Variants in SLC24A3 observed in about 807,000 individuals in gnomAD.
SLC24A3 encodes the protein solute carrier family 24 member 3.
In SLC24A3, 28 loss-of-function variants were observed where a neutral mutation model predicts 75.8. The observed-to-expected ratio is 0.37, with a 90% confidence interval of 0.27 to 0.51. The LOEUF (loss-of-function observed/expected upper bound fraction) is 0.51. Among genes scored for constraint, SLC24A3 ranks in the 20% least tolerant of loss-of-function variants. SLC24A3 has a pLI of 0.94. For missense variants in SLC24A3, 663 were observed against 847.8 expected, an observed-to-expected ratio of 0.78 and a Z score of 2.71; for synonymous variants, 372 against 334.1, an observed-to-expected ratio of 1.11 and a Z score of -1.24.
At chr20:19,510,479 C>G (rs1196822588) in intron 2 of SLC24A3, among the ~76,000 whole-genome samples, 1 of 152,194 alleles carries the variant, frequency 6.6e-6, no homozygotes, top group African/African-American at 2.4e-5. Flanking sequence ...AGTTCTTATG[C>G]AAAGGAGGCT....
At chr20:19,719,267 G>A (rs185371638) in intron 16 of SLC24A3, among the ~76,000 whole-genome samples, 2 of 152,264 alleles carry the variant, frequency 1.3e-5, no homozygotes, top group East Asian at 1.9e-4. Context: ...ACTCTTTCAT[G>A]TTATCTGACT....
At chr20:19,357,620 G>A (rs960536396) in intron 2 of SLC24A3, among the ~76,000 whole-genome samples, 4 of 152,162 alleles carry the variant, frequency 2.6e-5, no homozygotes, top group Non-Finnish European at 5.9e-5. Flanking sequence ...TGTAGTCAGT[G>A]TGCCATTTCT....
At chr20:19,254,140 C>T (rs2122184189) in intron 1 of SLC24A3, among the ~76,000 whole-genome samples, 1 of 152,308 alleles carries the variant, frequency 6.6e-6, no homozygotes, top group East Asian at 1.9e-4. Flanking sequence ...CACGCCTGTG[C>T]CCATATTCAT....
intron 3 of SLC24A3, among the ~76,000 whole-genome samples, chr20:19,523,899 T>C (rs2030149017): frequency 6.6e-6 from 1 of 152,146 alleles, no homozygotes; most frequent in African/African-American, 2.4e-5. Flanking sequence ...TTCCAGCCCC[T>C]GCAACTCTGG....
At chr20:19,501,136 A>G (rs2122542449) in intron 2 of SLC24A3, among the ~76,000 whole-genome samples, 2 of 152,326 alleles carry the variant, frequency 1.3e-5, no homozygotes, top group Non-Finnish European at 2.9e-5. Flanking sequence ...AGGAGGAGCA[A>G]GAAGTAATTG....
chr20:19,647,709 C>T (rs1038764082), intron 6 of SLC24A3, among the ~76,000 whole-genome samples: 1 of 152,208 alleles, frequency 6.6e-6, no homozygotes, highest in African/African-American at 2.4e-5. Flanking sequence ...ATTGAGAAGG[C>T]ATGTCTGAGT....
intron 2 of SLC24A3, among the ~76,000 whole-genome samples, chr20:19,317,311 T>C (rs986454808): frequency 2.0e-5 from 3 of 152,188 alleles, no homozygotes; most frequent in African/African-American, 7.2e-5. Context: ...AAAGCAAAAA[T>C]TGAGTCTCCT....
At chr20:19,312,364 A>G (rs560118307) in intron 2 of SLC24A3, among the ~76,000 whole-genome samples, 1 of 152,358 alleles carries the variant, frequency 6.6e-6, no homozygotes, top group African/African-American at 2.4e-5. Flanking sequence ...CAGTATAGGT[A>G]TATATAGCTT....
chr20:19,325,777 CATATAT>C (rs1164485509), intron 2 of SLC24A3, among the ~76,000 whole-genome samples: 1 of 58,408 alleles, frequency 1.7e-5, no homozygotes, highest in Non-Finnish European at 3.1e-5. Flanking sequence ...TATATATATA[CATATAT>C]ATATATATAT....
At chr20:19,215,577 C>T (rs913910593) in intron 1 of SLC24A3, among the ~76,000 whole-genome samples, 1 of 152,124 alleles carries the variant, frequency 6.6e-6, no homozygotes, top group Admixed American at 6.5e-5. Context: ...TCCCTCCCTC[C>T]TTCCTTCTGT....
chr20:19,331,452 TGATA>T (rs1281733926), intron 2 of SLC24A3, among the ~76,000 whole-genome samples: 3 of 150,826 alleles, frequency 2.0e-5, no homozygotes, highest in African/African-American at 7.3e-5. Context: ...CATAGATAGA[TGATA>T]GAGAGAGATA....
chr20:19,508,156 C>G (rs1322552796), intron 2 of SLC24A3, among the ~76,000 whole-genome samples: 5 of 152,038 alleles, frequency 3.3e-5, no homozygotes, highest in African/African-American at 1.2e-4. Flanking sequence ...TTACAGTGCC[C>G]CAGGAAAAGT....
intron 2 of SLC24A3, among the ~76,000 whole-genome samples, chr20:19,443,438 T>G (rs1295961602): frequency 6.6e-6 from 1 of 152,220 alleles, no homozygotes; most frequent in Non-Finnish European, 1.5e-5. Context: ...GGTGCTAATA[T>G]AAATGGTATT....
chr20:19,272,903 G>A (rs1257392462), intron 1 of SLC24A3, among the ~76,000 whole-genome samples: 1 of 152,178 alleles, frequency 6.6e-6, no homozygotes, highest in African/African-American at 2.4e-5. Context: ...AGGGACGGGT[G>A]ATGGAGTAAA....
intron 1 of SLC24A3, among the ~76,000 whole-genome samples, chr20:19,250,497 A>C (rs1320174932): frequency 2.0e-5 from 3 of 152,312 alleles, no homozygotes; most frequent in South Asian, 4.1e-4. Context: ...TTCTTTCTTC[A>C]GTGTTTTTAA....
intron 14 of SLC24A3, among the ~76,000 whole-genome samples, chr20:19,697,228 G>A (rs2032820175): frequency 6.6e-6 from 1 of 152,120 alleles, no homozygotes; most frequent in Non-Finnish European, 1.5e-5. Flanking sequence ...CTACCCTTGA[G>A]GAAAGCAAAG....
rs545646247 is a variant in SLC24A3, at chr20:19,469,561, C to T, written c.272-45927C>T. 2.0e-5 allele frequency among the ~76,000 whole-genome samples: 3 copies of T among 152,252 alleles called. No individual in the cohort carries two copies. In the East Asian group the frequency reaches 5.8e-4, roughly 29 times the overall value. Reference sequence around the variant, plus strand: ...GCCCAGAGTCAATGTTGCATGATGCCTTCATCTGAGGACATCCAGTAGACA... The same window carrying T: ...GCCCAGAGTCAATGTTGCATGATGCTTTCATCTGAGGACATCCAGTAGACA... On this transcript the variant is annotated intron_variant, in intron 2 of 16. Coordinates refer to ENST00000328041, the MANE Select transcript of SLC24A3 (RefSeq NM_020689.4).
chr20:19,449,127 G>A (rs1254982362), intron 2 of SLC24A3, among the ~76,000 whole-genome samples: 3 of 152,226 alleles, frequency 2.0e-5, no homozygotes, highest in Non-Finnish European at 4.4e-5. Flanking sequence ...AACATCCAGG[G>A]ACTCCATGGC....
At chr20:19,379,361 G>A (rs1986142998) in intron 2 of SLC24A3, among the ~76,000 whole-genome samples, 1 of 152,190 alleles carries the variant, frequency 6.6e-6, no homozygotes, top group Non-Finnish European at 1.5e-5. Context: ...AGATAAGGCT[G>A]GAAGGCCAAG....
Sources: gnomAD v4.1 joint callset for allele counts (sites outside exome capture counted in the v4.1 genomes callset) on GRCh38, gnomAD v4.1.1 for gene constraint, MANE v1.5 for transcripts, NCBI Gene and HGNC (gene_info 2026-07-23, HGNC 2026-07-21) for gene names.